Variants in OSCP1 observed in about 807,000 individuals in gnomAD.
OSCP1 encodes the protein organic solute carrier partner 1, also known as protein OSCP1.
Under a neutral mutation model 45.1 loss-of-function variants are expected in OSCP1, and 35 were observed. The ratio of observed to expected loss-of-function variants is 0.78; its 90% CI spans 0.59 to 1.03. The LOEUF (loss-of-function observed/expected upper bound fraction) is 1.03. OSCP1 is among the 50% of genes least tolerant of loss of function. OSCP1 has a pLI of 0.00. For synonymous variants in OSCP1, 179 were observed against 180.1 expected, an observed-to-expected ratio of 0.99 and a Z score of 0.05; for missense variants, 400 against 470.7, an observed-to-expected ratio of 0.85 and a Z score of 1.39.
chr1:36,418,388 AT>A, intron 9 of OSCP1, 133 bp from the exon 10 acceptor site: 1 of 723,186 alleles, frequency 1.4e-6, no homozygotes, highest in South Asian at 1.7e-5. Context: ...CAGAAAAGGG[AT>A]TGTAGTTACA....
At chr1:36,422,260 T>C (rs776570330) in intron 6 of OSCP1, 41 bp from the exon 7 acceptor site, 1 of 1,545,690 alleles carries the variant, frequency 6.5e-7, no homozygotes, top group Non-Finnish European at 8.9e-7. Context: ...TCCAGCCCCT[T>C]TCCACGGACT....
At chr1:36,441,116 C>G (rs1277098590) in intron 1 of OSCP1, 3 of 152,228 alleles carry the variant, frequency 2.0e-5, no homozygotes, top group Non-Finnish European at 4.4e-5. Context: ...CGCCAGCATC[C>G]AGACAGTTCA....
In OSCP1 at chr1:36,422,844, C is replaced by T. The variant is rs749945990; in HGVS notation, c.673G>A (p.Gly225Arg). ...EVKRIEFKHG[G>R]NYVPAPKEGS... ...TCTTTGGGTGCAGGGACATAGTTTC[C>T]ACCATGCTTGAATTCTATCCTCTTC... Residue 225 changes from glycine (G) to arginine (R), a missense_variant, in exon 6 of 10, where the codon GGA (glycine) becomes AGA (arginine). Transcript: ENST00000235532. 4 of 1,610,678 alleles carry T rather than the reference C, an allele frequency of 2.5e-6. No individual in the cohort carries two copies. The highest frequency in any genetic ancestry group is 4.5e-5 in the East Asian group (2 of 44,764).
chr1:36,446,481 C>CAGAT (rs201800370), intron 1 of OSCP1, among the ~76,000 whole-genome samples: 2,201 of 152,340 alleles, frequency 0.014, 23 homozygotes, highest in Middle Eastern at 0.024. Flanking sequence ...ATGGAACTGG[C>CAGAT]AGATGCTCCC....
At chr1:36,435,479 C>G (rs1167604498) in intron 2 of OSCP1, among the ~76,000 whole-genome samples, 1 of 151,912 alleles carries the variant, frequency 6.6e-6, no homozygotes, top group African/African-American at 2.4e-5. Flanking sequence ...GAGAGAAGAG[C>G]AAGCAGAACT....
chr1:36,428,422 G>T, intron 4 of OSCP1: 1 of 1,614,044 alleles, frequency 6.2e-7, no homozygotes, highest in South Asian at 1.1e-5. Context: ...CTCCTGGAAG[G>T]CAACACTGTG....
chr1:36,449,028 C>T (rs935647040), intron 1 of OSCP1, among the ~76,000 whole-genome samples: 2 of 152,164 alleles, frequency 1.3e-5, no homozygotes, highest in Admixed American at 6.5e-5. Flanking sequence ...TATGCATGGA[C>T]TTGCACTCAG....
chr1:36,439,006 A>G, intron 1 of OSCP1, 96 bp from the exon 2 acceptor site: 1 of 1,362,806 alleles, frequency 7.3e-7, no homozygotes, highest in East Asian at 2.4e-5. Flanking sequence ...GAGCGTGTAC[A>G]GTACAGAATT....
At chr1:36,450,207 G>C (rs752428300) in intron 1 of OSCP1, 51 bp downstream of exon 1, 1 of 1,477,158 alleles carries the variant, frequency 6.8e-7, no homozygotes. Context: ...GATGATGAGA[G>C]GGCCGGGCTG....
chr1:36,427,060 G>A (rs1256894208), intron 4 of OSCP1, among the ~76,000 whole-genome samples: 1 of 151,084 alleles, frequency 6.6e-6, no homozygotes, highest in East Asian at 1.9e-4. Context: ...GAGTACAGTG[G>A]CATGATCTCG....
chr1:36,418,918 C>T, intron 9 of OSCP1, 73 bp downstream of exon 9: 2 of 1,263,682 alleles, frequency 1.6e-6, no homozygotes, highest in Admixed American at 1.8e-5. Context: ...CAGAGCGAGA[C>T]CCTGTCTCAA....
At chr1:36,448,775 T>C (rs1291054303) in intron 1 of OSCP1, among the ~76,000 whole-genome samples, 1 of 152,106 alleles carries the variant, frequency 6.6e-6, no homozygotes, top group African/African-American at 2.4e-5. Context: ...TTTGGTATTA[T>C]TGGGAAACAG....
At position 36,430,737 on chromosome 1, in the gene OSCP1, C is replaced by T. The variant is rs189181835; in HGVS notation, c.516+1065G>A. On this transcript the variant is annotated intron_variant, in intron 4 of 9. Transcript: ENST00000235532. ...TGGTGCGATCCCGGCTCACTGTAAC[C>T]TCCGCCTCCTGGGTTCAAGCAATTC... is the stretch of plus-strand genomic sequence containing the variant. 2.4e-3 allele frequency among the ~76,000 whole-genome samples: 365 copies of T among 152,332 alleles called. 2 individuals carry two copies. The highest frequency in any genetic ancestry group is 0.01 in the Middle Eastern group (3 of 294).
chr1:36,422,725 A>G, intron 6 of OSCP1, 43 bp downstream of exon 6: 1 of 1,434,312 alleles, frequency 7.0e-7, no homozygotes, highest in Non-Finnish European at 9.2e-7. Context: ...AAATGAAGTG[A>G]CCTCCCTTGG....
intron 1 of OSCP1, among the ~76,000 whole-genome samples, chr1:36,442,363 AT>A (rs985890765): frequency 2.0e-4 from 31 of 152,088 alleles, no homozygotes; most frequent in Non-Finnish European, 4.4e-5. Flanking sequence ...TCTGTTCATT[AT>A]TTTTGAACAT....
intron 2 of OSCP1, among the ~76,000 whole-genome samples, chr1:36,435,726 G>A (rs1464693308): frequency 1.3e-5 from 2 of 151,358 alleles, no homozygotes; most frequent in East Asian, 2.0e-4. Flanking sequence ...TCTGCCTCCC[G>A]GGTTCAAGCA....
In OSCP1 at chr1:36,426,223, G is replaced by A. The variant is rs1436266065; in HGVS notation, c.517-2757C>T. The stretch of plus-strand genomic sequence containing the variant: ...AGTTTAATCTTATGAGGTTGACTAT[G>A]GCATGGTAGATCTGAAATGTACAAA... On this transcript the variant is annotated intron_variant, in intron 4 of 9. Coordinates refer to ENST00000235532, the MANE Select transcript of OSCP1 (RefSeq NM_145047.5). 2.4e-4 allele frequency among the ~76,000 whole-genome samples: 37 copies of A among 152,214 alleles called. 1 individual carries two copies. The highest frequency in any genetic ancestry group is 2.4e-3 in the Admixed American group (37 of 15,280).
intron 1 of OSCP1, among the ~76,000 whole-genome samples, chr1:36,442,584 T>C (rs1649270416): frequency 6.6e-6 from 1 of 152,202 alleles, no homozygotes; most frequent in Non-Finnish European, 1.5e-5. Flanking sequence ...AATAATTATC[T>C]TGATGAAAGC....
At chr1:36,442,557 C>G (rs1649268236) in intron 1 of OSCP1, among the ~76,000 whole-genome samples, 1 of 151,998 alleles carries the variant, frequency 6.6e-6, no homozygotes, top group South Asian at 2.1e-4. Flanking sequence ...GGCTTTTTTT[C>G]GAGACTGGTC....
Sources: gnomAD v4.1 joint callset for allele counts (sites outside exome capture counted in the v4.1 genomes callset) on GRCh38, gnomAD v4.1.1 for gene constraint, MANE v1.5 for transcripts, NCBI Gene and HGNC (gene_info 2026-07-23, HGNC 2026-07-21) for gene names.